Variants in NBAS observed in about 807,000 individuals in gnomAD.
NBAS encodes the protein NAG/BC035112 fusion.
NBAS carries 219 observed loss-of-function variants against 302.5 expected under a neutral mutation model. That is an observed-to-expected ratio of 0.72 (90% CI 0.65 to 0.81). The LOEUF (loss-of-function observed/expected upper bound fraction) is 0.81, where lower values mean the gene tolerates loss of function less well. NBAS is among the 30% of genes least tolerant of loss of function. NBAS has a pLI of 0.00. For missense variants in NBAS, 2,932 were observed against 2,841.6 expected (o/e 1.03, Z -0.72); for synonymous variants, 1,118 against 1,021.6 (o/e 1.09, Z -1.80).
intron 24 of NBAS, 56 bp from the exon 25 acceptor site, chr2:15,415,775 T>C: frequency 6.3e-7 from 1 of 1,580,522 alleles, no homozygotes; most frequent in Non-Finnish European, 8.7e-7. Context: ...ACTAAATGCC[T>C]TATTATATCA....
At chr2:15,557,403 A>AT (rs1326773676) in intron 2 of NBAS, among the ~76,000 whole-genome samples, 1 of 152,022 alleles carries the variant, frequency 6.6e-6, no homozygotes, top group Non-Finnish European at 1.5e-5. Flanking sequence ...ATGAGGACAA[A>AT]TTTTTTTCTA....
chr2:15,332,679 A>C (rs1229392460), intron 35 of NBAS, among the ~76,000 whole-genome samples: 1 of 152,210 alleles, frequency 6.6e-6, no homozygotes, highest in Non-Finnish European at 1.5e-5. Context: ...TAAATAAAGA[A>C]AAAAACATAT....
intron 12 of NBAS, among the ~76,000 whole-genome samples, chr2:15,486,621 A>T (rs1479184914): frequency 1.3e-5 from 2 of 152,076 alleles, no homozygotes; most frequent in Admixed American, 6.5e-5. Context: ...CATTTTTTCA[A>T]TTTCTGAGGT....
the NBAS span, among the ~76,000 whole-genome samples, chr2:14,905,926 G>T: frequency 1.3e-5 from 2 of 152,178 alleles, no homozygotes; most frequent in Non-Finnish European, 2.9e-5. Context: ...TTGTCTCAAT[G>T]TGATAGGCTG....
the NBAS span, among the ~76,000 whole-genome samples, chr2:14,990,756 C>T: frequency 6.6e-6 from 1 of 152,186 alleles, no homozygotes; most frequent in African/African-American, 2.4e-5. Flanking sequence ...CACTCCACCA[C>T]AGCCAGCTAT....
the NBAS span, among the ~76,000 whole-genome samples, chr2:14,878,158 T>C: frequency 6.6e-6 from 1 of 152,326 alleles, no homozygotes; most frequent in South Asian, 2.1e-4. Flanking sequence ...TCCTGCCTTA[T>C]TGCCTACTTC....
At chr2:14,927,982 G>A in the NBAS span, among the ~76,000 whole-genome samples, 1 of 152,098 alleles carries the variant, frequency 6.6e-6, no homozygotes, top group Non-Finnish European at 1.5e-5. Flanking sequence ...AGGGTATTTT[G>A]TCTAAGATTT....
chr2:15,050,882 T>C, the NBAS span, among the ~76,000 whole-genome samples: 12 of 151,986 alleles, frequency 7.9e-5, no homozygotes, highest in African/African-American at 2.2e-4. Context: ...TGAGACCAGG[T>C]TGAAGGAAGG....
At chr2:15,141,276 T>G in the NBAS span, among the ~76,000 whole-genome samples, 3 of 152,202 alleles carry the variant, frequency 2.0e-5, no homozygotes, top group Non-Finnish European at 4.4e-5. Flanking sequence ...TTCCTCTGTT[T>G]AAACCCAACA....
At chr2:15,464,597 C>A (rs959780873) in intron 19 of NBAS, among the ~76,000 whole-genome samples, 1 of 152,090 alleles carries the variant, frequency 6.6e-6, no homozygotes, top group African/African-American at 2.4e-5. Flanking sequence ...ATACTTCTTC[C>A]TTCTATTCTA....
At chr2:15,239,703 C>A (rs1044566675) in intron 44 of NBAS, among the ~76,000 whole-genome samples, 16 of 150,920 alleles carry the variant, frequency 1.1e-4, no homozygotes, top group African/African-American at 3.6e-4. Context: ...TATGCATATA[C>A]ATATATATAT....
chr2:15,521,487 T>A (rs535704361), intron 9 of NBAS, among the ~76,000 whole-genome samples: 172 of 152,352 alleles, frequency 1.1e-3, no homozygotes, highest in African/African-American at 3.8e-3. Context: ...CAAGCCCTCA[T>A]CTAAAAGCTG....
chr2:15,115,114 T>C, the NBAS span, among the ~76,000 whole-genome samples: 9 of 152,212 alleles, frequency 5.9e-5, no homozygotes, highest in African/African-American at 1.7e-4. Context: ...GAACTCTCTA[T>C]AGTCCTAGTG....
At chr2:14,809,892 G>A in the NBAS span, among the ~76,000 whole-genome samples, 29 of 152,302 alleles carry the variant, frequency 1.9e-4, no homozygotes, top group East Asian at 7.7e-4. Context: ...TTGCATCGGC[G>A]TGACCTGGAT....
the NBAS span, among the ~76,000 whole-genome samples, chr2:14,893,073 T>C: frequency 1.3e-5 from 2 of 152,204 alleles, no homozygotes; most frequent in Non-Finnish European, 2.9e-5. Context: ...ATTATTAATC[T>C]TCTGTTTTTT....
At chr2:15,272,461 T>G (rs1572565568) in intron 44 of NBAS, among the ~76,000 whole-genome samples, 1 of 152,210 alleles carries the variant, frequency 6.6e-6, no homozygotes, top group East Asian at 1.9e-4. Flanking sequence ...TTCATTTTGA[T>G]TTTTATACTC....
chr2:14,882,934 C>G, the NBAS span, among the ~76,000 whole-genome samples: 1 of 152,156 alleles, frequency 6.6e-6, no homozygotes, highest in African/African-American at 2.4e-5. Flanking sequence ...ATCCACAGTT[C>G]TGTTCTGTTA....
chr2:15,390,055 TCC>T (rs1214892443), intron 28 of NBAS, among the ~76,000 whole-genome samples: 1 of 151,694 alleles, frequency 6.6e-6, no homozygotes, highest in East Asian at 1.9e-4. Flanking sequence ...CTACGAAGGG[TCC>T]CCACGAATAT....
chr2:15,124,102 G>C, the NBAS span, among the ~76,000 whole-genome samples: 1 of 152,236 alleles, frequency 6.6e-6, no homozygotes, highest in Non-Finnish European at 1.5e-5. Flanking sequence ...AAGCTATTGG[G>C]AACTGGAGGG....
Sources: allele counts gnomAD v4.1 joint callset (sites outside exome capture counted in the v4.1 genomes callset), GRCh38; gene constraint gnomAD v4.1.1; transcripts MANE v1.5; gene names NCBI Gene and HGNC (gene_info 2026-07-23, HGNC 2026-07-21).